PDE1C: variants seen among roughly 807,000 people sequenced by gnomAD.
PDE1C encodes the protein phosphodiesterase 1C.
In PDE1C, 62 loss-of-function variants were observed where a neutral mutation model predicts 93.1. That is an observed-to-expected ratio of 0.67 (90% CI 0.54 to 0.82). The LOEUF is 0.82. Among genes scored for constraint, PDE1C ranks in the 40% least tolerant of loss-of-function variants. The pLI, the probability that PDE1C is intolerant of heterozygous loss-of-function variation, is 0.00. For synonymous variants in PDE1C, 325 were observed against 310.1 expected (o/e 1.05, Z -0.50); for missense variants, 742 against 884.6 (o/e 0.84, Z 2.04).
intron 1 of PDE1C, among the ~76,000 whole-genome samples, chr7:32,333,877 G>A (rs181007222): frequency 5.3e-5 from 8 of 152,242 alleles, no homozygotes; most frequent in Non-Finnish European, 8.8e-5. Flanking sequence ...ATATTTTAAC[G>A]AGGATTAAGG....
upstream of PDE1C, chr7:32,070,481 C>A (rs919400025): frequency 6.4e-6 from 10 of 1,568,278 alleles, no homozygotes; most frequent in East Asian, 2.3e-5. Context: ...CGATGCCCAG[C>A]CAGGCGCGGC....
chr7:32,104,429 T>C (rs1798192504), intron 3 of PDE1C, among the ~76,000 whole-genome samples: 1 of 152,110 alleles, frequency 6.6e-6, no homozygotes, highest in African/African-American at 2.4e-5. Flanking sequence ...TTCAAACAAA[T>C]GTAAGAGTAG....
At position 32,418,584 on chromosome 7, in the gene PDE1C, G is replaced by A. The variant is rs183851080; in HGVS notation, c.310+9238C>T. 1.7e-3 allele frequency among the ~76,000 whole-genome samples: 257 copies of A among 152,036 alleles called. 3 individuals are homozygous for A. The highest frequency in any genetic ancestry group is 5.6e-3 in the African/African-American group (231 of 41,452). ...ACAATAATCAGATATGGGAAGATAC[G>A]GCAGCACACATTTCCAGATTAAGAT... On this transcript the variant is annotated intron_variant, in intron 1 of 1. Coordinates refer to the PDE1C transcript ENST00000672256.
Position 31,824,846 on chromosome 7 carries a change from C to T in PDE1C, c.1406+21G>A, listed in dbSNP as rs768864732. ...AAGGACAGGCCAACCTCACCCTCAG[C>T]CCTCAAGCTTCCCCACTGACCTCGA... On this transcript the variant is annotated intron_variant, in intron 13 of 17. Coordinates refer to ENST00000396191, the MANE Select transcript of PDE1C (RefSeq NM_001191057.4). The T allele has an allele frequency of 2.7e-5, 44 of 1,611,526 alleles. No homozygotes were observed. In the Middle Eastern group the frequency reaches 1.4e-3, roughly 50 times the overall value.
chr7:31,810,939 G>C (rs1022071727), intron 15 of PDE1C, among the ~76,000 whole-genome samples: 1 of 152,110 alleles, frequency 6.6e-6, no homozygotes, highest in Non-Finnish European at 1.5e-5. Flanking sequence ...AATGGAATTT[G>C]ACAAATACTA....
At chr7:31,841,227 C>CTCTCTCTA (rs751320538) in intron 9 of PDE1C, among the ~76,000 whole-genome samples, 4,918 of 142,218 alleles carry the variant, frequency 0.035, 80 homozygotes, top group Middle Eastern at 0.058. Context: ...CTCTCTCTCT[C>CTCTCTCTA]TATATATATA....
intron 2 of PDE1C, among the ~76,000 whole-genome samples, chr7:32,038,752 A>C (rs1791441580): frequency 6.6e-6 from 1 of 152,194 alleles, no homozygotes; most frequent in South Asian, 2.1e-4. Context: ...AGGGGGGATC[A>C]TCTACCCTAT....
At chr7:31,783,472 AT>A (rs753814642) in intron 16 of PDE1C, 1 of 152,210 alleles carries the variant, frequency 6.6e-6, no homozygotes, top group Non-Finnish European at 1.5e-5. Context: ...ATGGACAACA[AT>A]GGGAAACATT....
At chr7:32,201,822 T>C (rs1360324971) in intron 2 of PDE1C, among the ~76,000 whole-genome samples, 1 of 152,220 alleles carries the variant, frequency 6.6e-6, no homozygotes, top group Admixed American at 6.5e-5. Flanking sequence ...TTGCAGTGCA[T>C]ATTGTGGCTC....
At chr7:32,160,696 G>T (rs1454939335) in intron 3 of PDE1C, among the ~76,000 whole-genome samples, 1 of 152,140 alleles carries the variant, frequency 6.6e-6, no homozygotes, top group Non-Finnish European at 1.5e-5. Flanking sequence ...ACAAAAATTA[G>T]CTGGGCGTGA....
At chr7:32,346,335 T>TG (rs35438683) in intron 1 of PDE1C, among the ~76,000 whole-genome samples, 2 of 152,364 alleles carry the variant, frequency 1.3e-5, no homozygotes, top group South Asian at 2.1e-4. Flanking sequence ...TGCATCACCC[T>TG]GGGGGGTCTC....
At chr7:31,645,207 A>T in the PDE1C span, among the ~76,000 whole-genome samples, 17 of 152,210 alleles carry the variant, frequency 1.1e-4, no homozygotes, top group Non-Finnish European at 2.1e-4. Context: ...AAAATATCTA[A>T]ATCTATGTAA....
chr7:31,958,819 C>G (rs749681377), intron 2 of PDE1C, among the ~76,000 whole-genome samples: 7 of 151,836 alleles, frequency 4.6e-5, no homozygotes, highest in Non-Finnish European at 8.8e-5. Context: ...CCCCTGGATC[C>G]CCCTCATATC....
At chr7:32,273,967 G>A (rs1811129480) in intron 1 of PDE1C, among the ~76,000 whole-genome samples, 1 of 152,160 alleles carries the variant, frequency 6.6e-6, no homozygotes, top group African/African-American at 2.4e-5. Flanking sequence ...AGCATGACTT[G>A]AGTGTCATTC....
chr7:32,001,596 G>T (rs1482983534), intron 2 of PDE1C, among the ~76,000 whole-genome samples: 2 of 152,050 alleles, frequency 1.3e-5, no homozygotes, highest in East Asian at 3.9e-4. Flanking sequence ...AACACCCACA[G>T]GAATGAATGA....
intron 2 of PDE1C, among the ~76,000 whole-genome samples, chr7:32,205,614 A>C (rs1387597289): frequency 2.6e-5 from 4 of 152,112 alleles, no homozygotes; most frequent in African/African-American, 7.2e-5. Context: ...CCCCCAGCCA[A>C]CCCGTTTGGG....
chr7:31,642,923 A>C, the PDE1C span: 1 of 1,614,044 alleles, frequency 6.2e-7, no homozygotes, highest in Non-Finnish European at 8.5e-7. Context: ...CCAGAGCTGT[A>C]TATCCCAGAC....
intron 1 of PDE1C, among the ~76,000 whole-genome samples, chr7:32,380,109 G>A (rs960620347): frequency 3.9e-5 from 6 of 152,068 alleles, no homozygotes; most frequent in South Asian, 2.1e-4. Flanking sequence ...GAAAACCCAC[G>A]CTTGTTTTCC....
chr7:32,064,130 G>T (rs1392363326), intron 1 of PDE1C, among the ~76,000 whole-genome samples: 1 of 152,122 alleles, frequency 6.6e-6, no homozygotes, highest in Non-Finnish European at 1.5e-5. Context: ...GTAAGATTCA[G>T]GTCAATGCCC....
Sources: gnomAD v4.1 joint callset for allele counts (sites outside exome capture counted in the v4.1 genomes callset) on GRCh38, gnomAD v4.1.1 for gene constraint, MANE v1.5 for transcripts, NCBI Gene and HGNC (gene_info 2026-07-23, HGNC 2026-07-21) for gene names.